The following SCN7A variants were observed in gnomAD, a reference collection of about 807,000 sequenced individuals.
SCN7A encodes sodium channel protein type 7 subunit alpha.
SCN7A carries 138 observed loss-of-function variants against 155.2 expected under a neutral mutation model. That is an observed-to-expected ratio of 0.89 (90% CI 0.77 to 1.02). SCN7A has a LOEUF of 1.02. SCN7A is among the 50% of genes least tolerant of loss of function. SCN7A has a pLI of 0.00. For missense variants in SCN7A, 2,058 were observed against 1,986.6 expected (o/e 1.04, Z -0.68); for synonymous variants, 693 against 649.0 (o/e 1.07, Z -1.03).
intron 20 of SCN7A, among the ~76,000 whole-genome samples, chr2:166,419,180 T>C (rs1701454991): frequency 4.6e-5 from 7 of 152,138 alleles, no homozygotes; most frequent in Admixed American, 4.6e-4. Flanking sequence ...GAAAAAGAAC[T>C]GGTATTATCC....
chr2:166,485,630 A>G (rs995532166), intron 2 of SCN7A, among the ~76,000 whole-genome samples: 1 of 152,136 alleles, frequency 6.6e-6, no homozygotes, highest in African/African-American at 2.4e-5. Context: ...GTTTCTAGGA[A>G]TAAAAAGTAA....
chr2:166,491,807 G>T (rs1683114163), intron 1 of SCN7A, among the ~76,000 whole-genome samples: 2 of 152,100 alleles, frequency 1.3e-5, no homozygotes, highest in Admixed American at 6.6e-5. Flanking sequence ...ACTGAAAATG[G>T]TTAGTGGAAA....
In SCN7A at chr2:166,405,440, A is replaced by G; in HGVS notation, c.*140T>C. 1 of 641,722 alleles carries G rather than the reference A, an allele frequency of 1.6e-6. No individual in the cohort carries two copies. The highest frequency in any genetic ancestry group is 3.3e-5 in the Admixed American group (1 of 30,722). 39.8% of individuals were successfully genotyped at this position (641,722 alleles called of 1,614,324 possible). ...TATAATGCTAAAAAGTGAATTTGGC[A>G]TGAAGTCTTGTGAATACAAGCTTAA... On this transcript the variant is annotated 3_prime_UTR_variant, in exon 26 of 26. Transcript: ENST00000643258.
chr2:166,468,464 T>C lies in SCN7A; in HGVS notation c.664+2151A>G, dbSNP rs2105491740. ...TAAATTTTTATAATATTGACAACTA[T>C]TTCAAAGTTTTCTAAAACACAAATA... On this transcript the variant is annotated intron_variant, in intron 7 of 25. Transcript: ENST00000643258. 1.3e-5 allele frequency among the ~76,000 whole-genome samples: 2 copies of C among 152,154 alleles called. 1 individual carries two copies. Among genetic ancestry groups the C allele is most frequent in the South Asian group, 4.1e-4 (2 of 4,832 alleles).
intron 20 of SCN7A, among the ~76,000 whole-genome samples, chr2:166,417,270 A>G (rs1470844885): frequency 6.6e-6 from 1 of 152,068 alleles, no homozygotes; most frequent in East Asian, 1.9e-4. Flanking sequence ...TCAGGAGATC[A>G]AGACCATCCT....
At chr2:166,468,754 A>G (rs1014746453) in intron 7 of SCN7A, among the ~76,000 whole-genome samples, 2 of 151,860 alleles carry the variant, frequency 1.3e-5, no homozygotes, top group African/African-American at 2.4e-5. Flanking sequence ...CTGAGAACAT[A>G]CATTTGTTGA....
At chr2:166,409,581 A>T in intron 25 of SCN7A, 84 bp downstream of exon 25, 1 of 1,046,880 alleles carries the variant, frequency 9.6e-7, no homozygotes, top group Non-Finnish European at 1.3e-6. Context: ...TTTGAAATGT[A>T]GGAGACTATA....
Position 166,474,298 on chromosome 2 carries a change from G to A in SCN7A, c.281C>T (p.Ala94Val), listed in dbSNP as rs200874141. ...AGACAATGTACACAAGATGGAAGCC[G>A]CATTGAATCTGAAGATTGTTCTATT... The part of the protein sequence containing the change: ...NKNRTIFRFN[A>V]ASILCTLSPF... The change falls in exon 4 of 26, where the codon GCG (alanine) becomes GTG (valine). Residue 94 changes from alanine (A) to valine (V), a missense_variant. Transcript: ENST00000643258. 212 of 1,527,090 alleles carry A rather than the reference G, an allele frequency of 1.4e-4. No homozygotes were observed. The highest frequency in any genetic ancestry group is 3.6e-4 in the African/African-American group (26 of 72,002). 94.6% of individuals were successfully genotyped at this position (1,527,090 alleles called of 1,614,324 possible).
At chr2:166,445,034 G>T in intron 12 of SCN7A, 34 bp from the exon 13 acceptor site, 1 of 1,413,090 alleles carries the variant, frequency 7.1e-7, no homozygotes, top group Non-Finnish European at 9.9e-7. Context: ...TAAACATTCT[G>T]GCCGGGTGCA....
At chr2:166,412,180 G>C (rs1307850411) in intron 23 of SCN7A, among the ~76,000 whole-genome samples, 1 of 151,942 alleles carries the variant, frequency 6.6e-6, no homozygotes, top group African/African-American at 2.4e-5. Flanking sequence ...ATATAACAGA[G>C]AGTAAAAGAG....
At chr2:166,475,104 G>GTATATACATATATACGTATA in intron 3 of SCN7A, among the ~76,000 whole-genome samples, 1 of 86,026 alleles carries the variant, frequency 1.2e-5, no homozygotes, top group Non-Finnish European at 2.7e-5. Context: ...ACATATATAT[G>GTATATACATATATACGTATA]TATATATATA....
chr2:166,422,594 T>G (rs1183214392), intron 19 of SCN7A, among the ~76,000 whole-genome samples: 1 of 152,136 alleles, frequency 6.6e-6, no homozygotes, highest in Admixed American at 6.6e-5. Flanking sequence ...CCATGAAGGC[T>G]GGTGCTGGTG....
chr2:166,420,241 A>G (rs1477816293), intron 20 of SCN7A, among the ~76,000 whole-genome samples: 1 of 152,114 alleles, frequency 6.6e-6, no homozygotes, highest in Non-Finnish European at 1.5e-5. Flanking sequence ...TTTCTTAATT[A>G]ATAACAGTTT....
intron 15 of SCN7A, 125 bp downstream of exon 15, chr2:166,441,271 C>T: frequency 3.2e-6 from 2 of 620,002 alleles, no homozygotes; most frequent in Non-Finnish European, 5.5e-6. Flanking sequence ...CCACATCTGG[C>T]TAGTGGGTTA....
intron 15 of SCN7A, among the ~76,000 whole-genome samples, chr2:166,434,817 C>T (rs982317263): frequency 6.6e-6 from 1 of 152,092 alleles, no homozygotes; most frequent in African/African-American, 2.4e-5. Context: ...TGACTGTAAG[C>T]TTCATATGAA....
At chr2:166,493,894 T>C (rs1385241045) in intron 1 of SCN7A, 74 bp downstream of exon 1, 1 of 152,394 alleles carries the variant, frequency 6.6e-6, no homozygotes, top group Non-Finnish European at 1.5e-5. Context: ...TGGGAGTGGA[T>C]GGGAAAGGCT....
At chr2:166,492,900 A>C (rs1304982708) in intron 1 of SCN7A, among the ~76,000 whole-genome samples, 1 of 152,220 alleles carries the variant, frequency 6.6e-6, no homozygotes, top group Non-Finnish European at 1.5e-5. Flanking sequence ...AAGTTAAATA[A>C]TTGGCTTAAT....
rs1421903427 is a variant in SCN7A, at chr2:166,430,641, G to T, written c.2593-1367C>A. On this transcript the variant is annotated intron_variant, in intron 16 of 25. Coordinates refer to ENST00000643258, the MANE Select transcript of SCN7A (RefSeq NM_002976.4). ...TTATAAATCATTTATTTTGATAAAA[G>T]ATTATTTAATGGCATAAAGTGACCA... 2.0e-5 allele frequency among the ~76,000 whole-genome samples: 3 copies of T among 151,664 alleles called. No individual in the cohort carries two copies. In the Admixed American group the frequency reaches 2.0e-4, roughly 10 times the overall value.
chr2:166,436,822 G>T (rs776667580), intron 15 of SCN7A, among the ~76,000 whole-genome samples: 1 of 152,280 alleles, frequency 6.6e-6, no homozygotes, highest in South Asian at 2.1e-4. Flanking sequence ...TTAGCAAAGA[G>T]ACTGGTGGCT....
Sources: allele counts gnomAD v4.1 joint callset (sites outside exome capture counted in the v4.1 genomes callset), GRCh38; gene constraint gnomAD v4.1.1; transcripts MANE v1.5; gene names NCBI Gene and HGNC (gene_info 2026-07-23, HGNC 2026-07-21).